The following GSK3B variants were observed in gnomAD, a reference collection of about 807,000 sequenced individuals.
GSK3B encodes the protein glycogen synthase kinase-3 beta.
Under a neutral mutation model 56.4 loss-of-function variants are expected in GSK3B, and 15 were observed. That is an observed-to-expected ratio of 0.27 (90% CI 0.18 to 0.41). The LOEUF is 0.41. GSK3B is among the 10% of genes least tolerant of loss of function. GSK3B has a pLI of 1.00. For missense variants in GSK3B, 300 were observed against 513.4 expected (o/e 0.58, Z 4.02); for synonymous variants, 181 against 188.9 (o/e 0.96, Z 0.34).
intron 1 of GSK3B, among the ~76,000 whole-genome samples, chr3:120,030,376 C>T (rs1559883372): frequency 6.6e-6 from 1 of 152,204 alleles, no homozygotes; most frequent in African/African-American, 2.4e-5. Context: ...CCAGACTACT[C>T]TTTCAACCTT....
At position 119,893,852 on chromosome 3, in the gene GSK3B, T is replaced by G. The variant is rs184817256; in HGVS notation, c.813+11903A>C. On this transcript the variant is annotated intron_variant, in intron 7 of 10. Transcript: ENST00000264235. ...AATGACAAAGACATTCTTTTACAGA[T>G]AGATGTGCTCACTTTTGCCTTAAAA... Among the ~76,000 whole-genome samples, 249 of 151,232 alleles carry G rather than the reference T, an allele frequency of 1.6e-3. 3 individuals carry two copies. The highest frequency in any genetic ancestry group is 5.4e-4 in the Non-Finnish European group (37 of 67,890).
chr3:119,865,466 A>ATATTT (rs1244552588), intron 8 of GSK3B, among the ~76,000 whole-genome samples: 1 of 34,108 alleles, frequency 2.9e-5, no homozygotes, highest in African/African-American at 1.1e-4. Flanking sequence ...ATATATATAT[A>ATATTT]TTTTTTTTTT....
intron 2 of GSK3B, among the ~76,000 whole-genome samples, chr3:119,998,600 AC>A (rs2057646663): frequency 6.6e-6 from 1 of 152,220 alleles, no homozygotes; most frequent in Non-Finnish European, 1.5e-5. Flanking sequence ...AGTAAGGAAG[AC>A]ACACACTCTA....
chr3:119,978,211 C>G (rs1318331760), intron 2 of GSK3B, among the ~76,000 whole-genome samples: 1 of 151,996 alleles, frequency 6.6e-6, no homozygotes, highest in Non-Finnish European at 1.5e-5. Flanking sequence ...CCTCCCAGAT[C>G]AGAGACATAC....
Position 119,824,018 on chromosome 3 carries a change from G to A in GSK3B, c.*2770C>T, listed in dbSNP as rs975151590. The stretch of plus-strand genomic sequence containing the variant: ...ACAATAATACAGGCCGGTACCTACT[G>A]TACAGAGTTAAAACTATATGGCTTT... On this transcript the variant is annotated 3_prime_UTR_variant, in exon 11 of 11. Transcript: ENST00000264235. 2 of 202,234 alleles carry A rather than the reference G, an allele frequency of 9.9e-6. No individual in the cohort carries two copies. Among genetic ancestry groups the A allele is most frequent in the African/African-American group, 2.3e-5 (1 of 43,546 alleles). The allele number at this position is 202,234 out of a possible 1,614,324, so 12.5% of individuals were successfully genotyped here. A position where few individuals can be genotyped will look rare whatever the true frequency, so the allele number is the denominator to read the frequency against.
At chr3:120,077,475 C>A (rs2058377201) in intron 1 of GSK3B, among the ~76,000 whole-genome samples, 1 of 152,048 alleles carries the variant, frequency 6.6e-6, no homozygotes, top group South Asian at 2.1e-4. Flanking sequence ...AACTGGTTAG[C>A]AGAGGTTGAG....
In GSK3B at chr3:120,086,192, G is replaced by C. The variant is rs758477772; in HGVS notation, c.88+7155C>G. On this transcript the variant is annotated intron_variant, in intron 1 of 10. Coordinates refer to ENST00000264235, the MANE Select transcript of GSK3B (RefSeq NM_001146156.2). Reference sequence around the variant, plus strand: ...AAGCAGCAATTCCATATATACTAAGGAGGAAAAAAAAAAAAACAGAAATAG... The same window carrying C: ...AAGCAGCAATTCCATATATACTAAGCAGGAAAAAAAAAAAAACAGAAATAG... 2.0e-5 allele frequency among the ~76,000 whole-genome samples: 3 copies of C among 148,164 alleles called. 1 individual carries two copies. In the Middle Eastern group the frequency reaches 0.01, roughly 507 times the overall value.
chr3:119,893,497 C>A (rs1243405077), intron 7 of GSK3B, among the ~76,000 whole-genome samples: 5 of 152,112 alleles, frequency 3.3e-5, no homozygotes, highest in Non-Finnish European at 7.4e-5. Context: ...GGTATAGCTG[C>A]AGCAATATGA....
chr3:119,902,423 C>G (rs190287907), intron 7 of GSK3B, among the ~76,000 whole-genome samples: 4 of 152,156 alleles, frequency 2.6e-5, no homozygotes, highest in African/African-American at 9.6e-5. Context: ...TTATTTGTGA[C>G]AGAGTCTGAC....
chr3:120,074,956 G>A (rs1424943109), intron 1 of GSK3B, among the ~76,000 whole-genome samples: 1 of 152,050 alleles, frequency 6.6e-6, no homozygotes, highest in Non-Finnish European at 1.5e-5. Flanking sequence ...TAAAACTACA[G>A]GCCAGTATCT....
chr3:119,952,085 T>C (rs553890753), intron 2 of GSK3B, among the ~76,000 whole-genome samples: 24 of 151,876 alleles, frequency 1.6e-4, no homozygotes, highest in Non-Finnish European at 2.9e-4. Context: ...TATCAACATA[T>C]GTGTAAAAGC....
At chr3:119,996,869 A>G (rs2057622948) in intron 2 of GSK3B, among the ~76,000 whole-genome samples, 2 of 152,160 alleles carry the variant, frequency 1.3e-5, no homozygotes, top group Admixed American at 6.5e-5. Flanking sequence ...AAAACAAAAA[A>G]TAAAAGAAAG....
At chr3:120,021,373 G>A (rs988890421) in intron 1 of GSK3B, among the ~76,000 whole-genome samples, 6 of 151,584 alleles carry the variant, frequency 4.0e-5, no homozygotes, top group East Asian at 1.9e-4. Flanking sequence ...AAAATTAGCC[G>A]GGCATGGTGG....
intron 2 of GSK3B, among the ~76,000 whole-genome samples, chr3:119,992,445 CCAT>C (rs1434849960): frequency 6.6e-6 from 1 of 151,980 alleles, no homozygotes; most frequent in East Asian, 1.9e-4. Flanking sequence ...ATAATTCATA[CCAT>C]AATAGGAATA....
At chr3:119,843,120 G>C (rs570938496) in intron 10 of GSK3B, 135 bp downstream of exon 10, 5 of 418,860 alleles carry the variant, frequency 1.2e-5, no homozygotes, top group Non-Finnish European at 2.3e-5. Flanking sequence ...TCACCTTGTT[G>C]GTCAGGCTGG....
intron 2 of GSK3B, among the ~76,000 whole-genome samples, chr3:119,972,104 G>A (rs1304101687): frequency 6.6e-6 from 1 of 152,122 alleles, no homozygotes; most frequent in Non-Finnish European, 1.5e-5. Context: ...TTTACTAAAT[G>A]TTTAGTTCTC....
At chr3:119,902,412 T>C (rs1486482054) in intron 7 of GSK3B, among the ~76,000 whole-genome samples, 1 of 152,042 alleles carries the variant, frequency 6.6e-6, no homozygotes, top group Non-Finnish European at 1.5e-5. Context: ...TATTTATTTA[T>C]TTATTTGTGA....
intron 5 of GSK3B, among the ~76,000 whole-genome samples, chr3:119,913,474 T>C (rs1341485665): frequency 1.3e-5 from 2 of 152,078 alleles, no homozygotes. Context: ...AAATACTTCA[T>C]TGCATGTATT....
chr3:120,006,866 G>A (rs2057733309), intron 1 of GSK3B, among the ~76,000 whole-genome samples: 2 of 150,988 alleles, frequency 1.3e-5, no homozygotes. Context: ...AGACAAGCAA[G>A]AGCAAACAAA....
Sources: gnomAD v4.1 joint callset for allele counts (sites outside exome capture counted in the v4.1 genomes callset) on GRCh38, gnomAD v4.1.1 for gene constraint, MANE v1.5 for transcripts, NCBI Gene and HGNC (gene_info 2026-07-23, HGNC 2026-07-21) for gene names.